Variants in TNS3 observed in about 807,000 individuals in gnomAD.
The protein encoded by TNS3 is tensin 3, also known as tensin-3.
TNS3 carries 45 observed loss-of-function variants against 140.9 expected under a neutral mutation model. That is an observed-to-expected ratio of 0.32 (90% CI 0.25 to 0.41). TNS3 has a LOEUF of 0.41. Among genes scored for constraint, TNS3 ranks in the 10% least tolerant of loss-of-function variants. The probability of loss-of-function intolerance (pLI) is 1.00; values close to 1 mark genes in which losing one functional copy is unlikely to be tolerated. For synonymous variants in TNS3, 815 were observed against 788.4 expected (o/e 1.03, Z -0.56); for missense variants, 1,716 against 1,906.7 (o/e 0.90, Z 1.86).
chr7:47,361,347 A>G (rs1397617331), intron 17 of TNS3, among the ~76,000 whole-genome samples: 4 of 151,694 alleles, frequency 2.6e-5, no homozygotes, highest in Non-Finnish European at 5.9e-5. Flanking sequence ...CTCACTCCCC[A>G]GCACTGAACT....
At chr7:47,402,096 T>C (rs958197977) in intron 13 of TNS3, among the ~76,000 whole-genome samples, 2 of 152,162 alleles carry the variant, frequency 1.3e-5, no homozygotes, top group Admixed American at 6.5e-5. Context: ...AGGGAGGGTC[T>C]TCCCTAACCA....
chr7:47,558,135 C>T (rs1022476021), intron 1 of TNS3, among the ~76,000 whole-genome samples: 3 of 152,166 alleles, frequency 2.0e-5, no homozygotes, highest in Non-Finnish European at 4.4e-5. Context: ...CAGGACACTG[C>T]TTCCTGCAGG....
At chr7:47,356,798 C>T (rs1403841787) in intron 17 of TNS3, among the ~76,000 whole-genome samples, 2 of 152,028 alleles carry the variant, frequency 1.3e-5, no homozygotes, top group African/African-American at 4.8e-5. Context: ...AAACAGGGGC[C>T]GGGCACAGTG....
chr7:47,474,211 CCT>C (rs1392618505), intron 4 of TNS3, among the ~76,000 whole-genome samples: 4 of 149,526 alleles, frequency 2.7e-5, no homozygotes, highest in Non-Finnish European at 4.4e-5. Context: ...ACAAAAAACA[CCT>C]CACACACAAC....
intron 1 of TNS3, among the ~76,000 whole-genome samples, chr7:47,562,552 A>G (rs1393756265): frequency 1.3e-5 from 2 of 152,092 alleles, no homozygotes; most frequent in African/African-American, 2.4e-5. Flanking sequence ...ACACTCGGCT[A>G]ATTTTTGTAT....
intron 17 of TNS3, among the ~76,000 whole-genome samples, chr7:47,363,017 AGG>A (rs1790453084): frequency 1.4e-5 from 2 of 144,104 alleles, no homozygotes; most frequent in East Asian, 2.0e-4. Flanking sequence ...CACCATCATC[AGG>A]GTCATCACCA....
At chr7:47,389,800 T>C (rs1025919709) in intron 16 of TNS3, among the ~76,000 whole-genome samples, 5 of 152,216 alleles carry the variant, frequency 3.3e-5, no homozygotes, top group South Asian at 2.1e-4. Flanking sequence ...CTTTGGTGTT[T>C]GTGGGTTGAA....
chr7:47,551,171 G>C (rs1463633128), intron 1 of TNS3, among the ~76,000 whole-genome samples: 1 of 152,184 alleles, frequency 6.6e-6, no homozygotes. Context: ...TTCTCAAATG[G>C]GCAAGGTGGG....
intron 4 of TNS3, among the ~76,000 whole-genome samples, chr7:47,445,868 T>C (rs1795703487): frequency 1.3e-5 from 2 of 152,326 alleles, no homozygotes; most frequent in South Asian, 4.1e-4. Context: ...TCACTGTAAG[T>C]CTTTATTTGA....
At chr7:47,551,768 A>G (rs76089363) in intron 1 of TNS3, among the ~76,000 whole-genome samples, 2,087 of 152,340 alleles carry the variant, frequency 0.014, 43 homozygotes, top group African/African-American at 0.048. Context: ...TGTGTGTTAG[A>G]TAAGTAGAGA....
At position 47,280,195 on chromosome 7, in the gene TNS3, CA is replaced by C; in HGVS notation, c.4167-6del. 6.2e-7 allele frequency: 1 copy of C among 1,614,082 alleles called. No individual in the cohort carries two copies. The highest frequency in any genetic ancestry group is 8.5e-7 in the Non-Finnish European group (1 of 1,179,996). On this transcript the variant is annotated splice_region_variant and splice_polypyrimidine_tract_variant and intron_variant, in intron 29 of 30. Transcript: ENST00000311160. ...GAAGGGCCATCTTTGATCCACCTTG[CA>C]AATTAAAGAGAAAAACAGAGGTTAA...
In TNS3 at chr7:47,563,249, G is replaced by A. The variant is rs375158376; in HGVS notation, c.-265+18802C>T. ...CAAGGACTCTCAAACCTAGGCCAACGACAAAGATCTAAAGTCCACAGCCCT... is the reference window on the plus strand; with the variant it reads ...CAAGGACTCTCAAACCTAGGCCAACAACAAAGATCTAAAGTCCACAGCCCT... On this transcript the variant is annotated intron_variant, in intron 1 of 30. Transcript: ENST00000311160. Among the ~76,000 whole-genome samples, 130 of 152,284 alleles carry A rather than the reference G, an allele frequency of 8.5e-4. 3 individuals carry two copies. The South Asian group carries it at 0.027, about 31-fold the overall frequency.
At chr7:47,374,122 T>C (rs189526664) in intron 16 of TNS3, among the ~76,000 whole-genome samples, 2 of 152,084 alleles carry the variant, frequency 1.3e-5, no homozygotes, top group Admixed American at 1.3e-4. Flanking sequence ...AATCTAAGGG[T>C]TCTAAATTCC....
At chr7:47,555,141 C>A (rs1459414006) in intron 1 of TNS3, among the ~76,000 whole-genome samples, 1 of 152,116 alleles carries the variant, frequency 6.6e-6, no homozygotes, top group East Asian at 1.9e-4. Context: ...TGGCTCAAGC[C>A]TGTAATCCCA....
chr7:47,297,069 G>C lies in TNS3; in HGVS notation c.3676+13C>G, dbSNP rs1786067956. 3 of 1,614,048 alleles carry C rather than the reference G, an allele frequency of 1.9e-6. No individual in the cohort carries two copies. Among genetic ancestry groups the C allele is most frequent in the Non-Finnish European group, 2.5e-6 (3 of 1,180,028 alleles). On this transcript the variant is annotated intron_variant, in intron 24 of 30. Coordinates refer to ENST00000311160, the MANE Select transcript of TNS3 (RefSeq NM_022748.12). ...GATGAGCTGAACAGATCAATAGGGA[G>C]CAGTAACCTTACCTTTCTTGTTCAG...
At chr7:47,437,173 C>A in intron 7 of TNS3, 90 bp downstream of exon 7, 1 of 831,224 alleles carries the variant, frequency 1.2e-6, no homozygotes, top group Non-Finnish European at 1.9e-6. Context: ...AAGTCACATT[C>A]CACAAAGACT....
intron 4 of TNS3, among the ~76,000 whole-genome samples, chr7:47,473,962 C>T (rs1451943415): frequency 6.6e-6 from 1 of 152,170 alleles, no homozygotes; most frequent in Non-Finnish European, 1.5e-5. Flanking sequence ...GACTCCATCA[C>T]GGTCACTGGG....
At chr7:47,510,843 C>T (rs1340485582) in intron 2 of TNS3, among the ~76,000 whole-genome samples, 1 of 128,580 alleles carries the variant, frequency 7.8e-6, no homozygotes, top group East Asian at 2.3e-4. Flanking sequence ...CCCTGGGTGA[C>T]AGAGTAAGAC....
Position 47,430,336 on chromosome 7 carries a change from G to C in TNS3, c.325-1960C>G, listed in dbSNP as rs149999581. Among the ~76,000 whole-genome samples the C allele has an allele frequency of 4.5e-3, 691 of 152,080 alleles. 3 individuals are homozygous for C. The highest frequency in any genetic ancestry group is 0.016 in the African/African-American group (647 of 41,482). On this transcript the variant is annotated intron_variant, in intron 8 of 30. Transcript: ENST00000311160. ...ATAGAGACGGGCTTGCTCCATGTTA[G>C]TCAGGCTGATCTCGAACTCCCGATG...
Sources: gnomAD v4.1 joint callset for allele counts (sites outside exome capture counted in the v4.1 genomes callset) on GRCh38, gnomAD v4.1.1 for gene constraint, MANE v1.5 for transcripts, NCBI Gene and HGNC (gene_info 2026-07-23, HGNC 2026-07-21) for gene names.